AGK: variants seen among roughly 807,000 people sequenced by gnomAD.
AGK encodes the protein acylglycerol kinase.
In AGK, 52 loss-of-function variants were observed where a neutral mutation model predicts 66.4. The observed-to-expected ratio is 0.78, with a 90% CI of 0.63 to 0.99. The LOEUF (loss-of-function observed/expected upper bound fraction) is 0.99. AGK is among the 50% of genes least tolerant of loss of function. The probability of loss-of-function intolerance (pLI) is 0.00; values close to 1 mark genes in which losing one functional copy is unlikely to be tolerated. For missense variants in AGK, 451 were observed against 506.6 expected (o/e 0.89, Z 1.05); for synonymous variants, 182 against 181.1 (o/e 1.00, Z -0.04).
At chr7:141,594,938 A>C (rs1403472708) in intron 3 of AGK, among the ~76,000 whole-genome samples, 1 of 152,192 alleles carries the variant, frequency 6.6e-6, no homozygotes, top group Non-Finnish European at 1.5e-5. Context: ...GGTGTGAGCC[A>C]CCTTGCCTGG....
chr7:141,568,407 T>C (rs1220131120), intron 2 of AGK, among the ~76,000 whole-genome samples: 1 of 152,094 alleles, frequency 6.6e-6, no homozygotes, highest in African/African-American at 2.4e-5. Flanking sequence ...TGGTGAGCTT[T>C]GGCACAACTC....
At chr7:141,645,121 G>C (rs1797381947) in intron 13 of AGK, among the ~76,000 whole-genome samples, 1 of 151,904 alleles carries the variant, frequency 6.6e-6, no homozygotes. Context: ...TCACTGCATT[G>C]TACCCATAGA....
chr7:141,579,197 GC>G (rs1426523555), intron 2 of AGK, among the ~76,000 whole-genome samples: 1 of 151,998 alleles, frequency 6.6e-6, no homozygotes, highest in Non-Finnish European at 1.5e-5. Context: ...TTCTGAGAAG[GC>G]AAAGTGGTAA....
intron 2 of AGK, among the ~76,000 whole-genome samples, chr7:141,560,960 A>T (rs1795334185): frequency 6.6e-6 from 1 of 151,864 alleles, no homozygotes; most frequent in African/African-American, 2.4e-5. Flanking sequence ...CACCCAGCTA[A>T]TTTTTTGTAT....
At position 141,649,096 on chromosome 7, in the gene AGK, A is replaced by G. The variant is rs1168156123; in HGVS notation, c.976-167A>G. 740 of 206,002 alleles carry G rather than the reference A, an allele frequency of 3.6e-3. 6 individuals are homozygous for G. The highest frequency in any genetic ancestry group is 0.021 in the African/African-American group (674 of 32,498). The allele number at this position is 206,002 out of a possible 1,614,324, so 12.8% of individuals were successfully genotyped here. A position where few individuals can be genotyped will look rare whatever the true frequency, so the allele number is the denominator to read the frequency against. ...TATACCTCAGTAAAGCTCTTTGTGAAAAAAAAAAAAAAAAAGATTGAAAAT... is the reference window on the plus strand; with the variant it reads ...TATACCTCAGTAAAGCTCTTTGTGAGAAAAAAAAAAAAAAAGATTGAAAAT... On this transcript the variant is annotated intron_variant, in intron 13 of 15. Transcript: ENST00000649286.
chr7:141,580,578 AGGTATAT>A (rs1795861291), intron 2 of AGK, among the ~76,000 whole-genome samples: 1 of 151,978 alleles, frequency 6.6e-6, no homozygotes, highest in Non-Finnish European at 1.5e-5. Context: ...AGGGAGCAGA[AGGTATAT>A]GTGTCAGGTG....
At chr7:141,574,803 G>A (rs1374321718) in intron 2 of AGK, among the ~76,000 whole-genome samples, 2 of 152,214 alleles carry the variant, frequency 1.3e-5, no homozygotes, top group African/African-American at 4.8e-5. Context: ...AGAGTACAGT[G>A]GTTGGGATTT....
At position 141,618,907 on chromosome 7, in the gene AGK, A is replaced by G. The variant is rs183917959; in HGVS notation, c.519-2825A>G. Among the ~76,000 whole-genome samples the G allele has an allele frequency of 2.5e-3, 386 of 152,274 alleles. 2 individuals carry two copies. The highest frequency in any genetic ancestry group is 8.8e-3 in the African/African-American group (367 of 41,572). On this transcript the variant is annotated intron_variant, in intron 8 of 15. Transcript: ENST00000649286. ...TAATTACCGTATTTATTTTTCCAAA[A>G]TATAGCTATGTAACAATAGAGGCAA...
chr7:141,639,402 AAG>A (rs1424389676), intron 11 of AGK, among the ~76,000 whole-genome samples: 8 of 152,178 alleles, frequency 5.3e-5, no homozygotes, highest in Non-Finnish European at 2.9e-5. Flanking sequence ...ACTGAAGAAA[AAG>A]AAAAGAATGT....
At chr7:141,602,507 TTTTAAA>T (rs1368953896) in intron 5 of AGK, among the ~76,000 whole-genome samples, 7 of 152,160 alleles carry the variant, frequency 4.6e-5, no homozygotes, top group African/African-American at 1.4e-4. Flanking sequence ...TCTATTTAAC[TTTTAAA>T]TTTCTATAGC....
In AGK at chr7:141,585,633, T is replaced by A. The variant is rs540467864; in HGVS notation, c.102-7513T>A. ...TTTTGGGAAATAGGACAGATCAAGG[T>A]GGTTTTTCTCTCCATGTAAAGTTGC... On this transcript the variant is annotated intron_variant, in intron 2 of 15. Transcript: ENST00000649286. Among the ~76,000 whole-genome samples, 3 of 152,332 alleles carry A rather than the reference T, an allele frequency of 2.0e-5. No individual in the cohort carries two copies. In the South Asian group the frequency reaches 6.2e-4, roughly 32 times the overall value.
At chr7:141,614,800 CA>C (rs1320491286) in intron 7 of AGK, among the ~76,000 whole-genome samples, 1 of 151,982 alleles carries the variant, frequency 6.6e-6, no homozygotes, top group Admixed American at 6.5e-5. Flanking sequence ...ACATATGAAG[CA>C]AAAAGGTAAA....
intron 15 of AGK, 153 bp from the exon 16 acceptor site, chr7:141,652,634 A>G: frequency 1.5e-6 from 1 of 684,004 alleles, no homozygotes; most frequent in Non-Finnish European, 2.4e-6. Context: ...CGTAGTAGGC[A>G]CTGAATTTTT....
At chr7:141,574,461 G>A (rs1795688274) in intron 2 of AGK, among the ~76,000 whole-genome samples, 1 of 152,156 alleles carries the variant, frequency 6.6e-6, no homozygotes, top group Non-Finnish European at 1.5e-5. Context: ...CTGAGGCTAG[G>A]ATAAGAGAGT....
chr7:141,558,374 C>T (rs1178333204), intron 2 of AGK, among the ~76,000 whole-genome samples: 1 of 151,548 alleles, frequency 6.6e-6, no homozygotes, highest in Non-Finnish European at 1.5e-5. Flanking sequence ...CCATGTTGGC[C>T]CGCTGGTCTC....
At chr7:141,604,311 A>G (rs1356926437) in intron 5 of AGK, among the ~76,000 whole-genome samples, 5 of 148,090 alleles carry the variant, frequency 3.4e-5, no homozygotes, top group Non-Finnish European at 6.0e-5. Flanking sequence ...ACATTTTACC[A>G]TGTTTACACA....
intron 2 of AGK, among the ~76,000 whole-genome samples, chr7:141,557,485 A>G (rs1443108578): frequency 6.6e-6 from 1 of 152,214 alleles, no homozygotes; most frequent in African/African-American, 2.4e-5. Context: ...CAGTCGGGGA[A>G]AATTCCCACC....
chr7:141,552,713 C>T (rs1464708082), intron 1 of AGK, among the ~76,000 whole-genome samples: 3 of 152,110 alleles, frequency 2.0e-5, no homozygotes, highest in Non-Finnish European at 4.4e-5. Context: ...CTGAAGCAGG[C>T]CATAAAAGAA....
intron 2 of AGK, among the ~76,000 whole-genome samples, chr7:141,568,807 CT>C (rs1795526396): frequency 6.6e-6 from 1 of 152,006 alleles, no homozygotes; most frequent in Non-Finnish European, 1.5e-5. Context: ...AACTCCTAAC[CT>C]CAAGTGATCC....
Sources: allele counts gnomAD v4.1 joint callset (sites outside exome capture counted in the v4.1 genomes callset), GRCh38; gene constraint gnomAD v4.1.1; transcripts MANE v1.5; gene names NCBI Gene and HGNC (gene_info 2026-07-23, HGNC 2026-07-21).